CDC73: variants seen among roughly 807,000 people sequenced by gnomAD.
CDC73 encodes cell division cycle 73, also known as parafibromin.
Under a neutral mutation model 83.7 loss-of-function variants are expected in CDC73, and 21 were observed. That is an observed-to-expected ratio of 0.25 (90% confidence interval 0.18 to 0.36). CDC73 has a LOEUF of 0.36. Among genes scored for constraint, CDC73 ranks in the 10% least tolerant of loss-of-function variants. CDC73 has a pLI of 1.00. For missense variants in CDC73, 342 were observed against 653.3 expected, an observed-to-expected ratio of 0.52 and a Z score of 5.19; for synonymous variants, 224 against 212.9, an observed-to-expected ratio of 1.05 and a Z score of -0.45.
intron 2 of CDC73, among the ~76,000 whole-genome samples, chr1:193,125,716 A>G (rs751242383): frequency 2.6e-5 from 4 of 151,458 alleles, no homozygotes; most frequent in East Asian, 1.9e-4. Context: ...AACTGGGACT[A>G]TAGGCATGGC....
At chr1:193,185,610 C>G (rs1223466801) in intron 10 of CDC73, among the ~76,000 whole-genome samples, 1 of 151,812 alleles carries the variant, frequency 6.6e-6, no homozygotes, top group Non-Finnish European at 1.5e-5. Flanking sequence ...AATGAAATTT[C>G]ACTGCATTGT....
At chr1:193,156,379 G>A (rs915990994) in intron 10 of CDC73, among the ~76,000 whole-genome samples, 2 of 152,152 alleles carry the variant, frequency 1.3e-5, no homozygotes, top group Non-Finnish European at 1.5e-5. Context: ...CTCACACCCT[G>A]CAATTATAGA....
At position 193,142,154 on chromosome 1, in the gene CDC73, T is replaced by C. The variant is rs1036478149; in HGVS notation, c.729+88T>C. 12 of 1,106,010 alleles carry C rather than the reference T, an allele frequency of 1.1e-5. No individual in the cohort carries two copies. The Admixed American group carries it at 2.3e-4, about 21-fold the overall frequency. 68.5% of individuals were successfully genotyped at this position (1,106,010 alleles called of 1,614,324 possible). ...TGTGGTTATAGAATTGGTTAAACTT[T>C]GCTTTTAGGTGGAAGTTTCAAGTTT... is the stretch of plus-strand genomic sequence containing the variant. On this transcript the variant is annotated intron_variant, in intron 7 of 16. Transcript: ENST00000367435.
chr1:193,242,503 T>C (rs1383095468), intron 15 of CDC73, among the ~76,000 whole-genome samples: 1 of 152,192 alleles, frequency 6.6e-6, no homozygotes, highest in African/African-American at 2.4e-5. Context: ...TCTTAGATCA[T>C]CTATTCAAAG....
chr1:193,240,703 AT>A lies in CDC73; in HGVS notation c.1417+4356del, dbSNP rs556997274. On this transcript the variant is annotated intron_variant, in intron 15 of 16. Transcript: ENST00000367435. ...TGTCCTTTGCCCACTTTTTAATGGG[AT>A]TTTTTTTTAATTGTTGAGTTTCTTG... Among the ~76,000 whole-genome samples, 335 of 151,222 alleles carry A rather than the reference AT, an allele frequency of 2.2e-3. 2 individuals are homozygous for A. The highest frequency in any genetic ancestry group is 3.7e-3 in the Non-Finnish European group (253 of 67,714).
At chr1:193,151,964 TA>T (rs1179895598) in intron 9 of CDC73, among the ~76,000 whole-genome samples, 1 of 152,150 alleles carries the variant, frequency 6.6e-6, no homozygotes, top group Non-Finnish European at 1.5e-5. Flanking sequence ...TGTATGTATA[TA>T]AAAATAAGTA....
chr1:193,205,708 A>C (rs17593064), intron 11 of CDC73, among the ~76,000 whole-genome samples: 1 of 152,158 alleles, frequency 6.6e-6, no homozygotes, highest in Non-Finnish European at 1.5e-5. Flanking sequence ...TGAGAGCATA[A>C]GAAGAACAAT....
intron 7 of CDC73, among the ~76,000 whole-genome samples, chr1:193,146,146 G>A (rs945222130): frequency 6.6e-6 from 1 of 152,098 alleles, no homozygotes; most frequent in African/African-American, 2.4e-5. Context: ...TGAGGGCAGC[G>A]ACCATGTCTT....
chr1:193,192,657 G>T (rs1676938685), intron 10 of CDC73, among the ~76,000 whole-genome samples: 1 of 152,142 alleles, frequency 6.6e-6, no homozygotes, highest in Non-Finnish European at 1.5e-5. Context: ...CAGGCTGCAC[G>T]ATGGATGAAT....
chr1:193,249,932 A>G, intron 16 of CDC73, 61 bp downstream of exon 16: 1 of 1,524,796 alleles, frequency 6.6e-7, no homozygotes, highest in Non-Finnish European at 9.1e-7. Flanking sequence ...GTCTCAGTTA[A>G]ATTTTAAGTT....
chr1:193,153,134 A>T (rs1163031458), intron 10 of CDC73, among the ~76,000 whole-genome samples: 4 of 152,224 alleles, frequency 2.6e-5, no homozygotes, highest in Non-Finnish European at 4.4e-5. Flanking sequence ...TAATGCTTAC[A>T]AAGTATGTAA....
At chr1:193,232,462 A>G (rs1431685091) in intron 13 of CDC73, among the ~76,000 whole-genome samples, 1 of 152,118 alleles carries the variant, frequency 6.6e-6, no homozygotes, top group Non-Finnish European at 1.5e-5. Context: ...ACACATACAC[A>G]CACACACACA....
chr1:193,186,929 T>C (rs1434808806), intron 10 of CDC73, among the ~76,000 whole-genome samples: 1 of 152,146 alleles, frequency 6.6e-6, no homozygotes, highest in Admixed American at 6.5e-5. Flanking sequence ...TACATGCTTT[T>C]GTAGGGTGTA....
chr1:193,199,081 T>A (rs1016983904), intron 10 of CDC73, among the ~76,000 whole-genome samples: 4 of 152,216 alleles, frequency 2.6e-5, no homozygotes, highest in Admixed American at 6.5e-5. Context: ...TATAAGTATG[T>A]TAATTGTTTT....
rs886045730 is a variant in CDC73 at position 193,253,363 on chromosome 1, T to G, written c.*2651T>G. ...TTGAAAACAGTACCAGTATTAAATG[T>G]GTTTCCTCTTCCTTCTTTTCTGTAT... On this transcript the variant is annotated 3_prime_UTR_variant, in exon 17 of 17. Transcript: ENST00000367435. 4 of 232,436 alleles carry G rather than the reference T, an allele frequency of 1.7e-5. No homozygotes were observed. Among genetic ancestry groups the G allele is most frequent in the Non-Finnish European group, 8.5e-6 (1 of 117,616 alleles). 14.4% of individuals were successfully genotyped at this position (232,436 alleles called of 1,614,324 possible). A position where few individuals can be genotyped will look rare whatever the true frequency, so the allele number is the denominator to read the frequency against.
At chr1:193,159,851 C>T (rs941462967) in intron 10 of CDC73, among the ~76,000 whole-genome samples, 5 of 152,062 alleles carry the variant, frequency 3.3e-5, no homozygotes, top group African/African-American at 1.2e-4. Context: ...CATTTCATGC[C>T]TTCCTTGTAG....
rs145197340 is a variant in CDC73, at chr1:193,205,208, C to CCCCCT, written c.1030+1356_1030+1357insCCCCT. ...CTATACCACCTGTCCCCCCCCCCCC[C>CCCCCT]TTTTTTTTTAAACTCATCAGTGCTG... On this transcript the variant is annotated intron_variant, in intron 11 of 16. Coordinates refer to ENST00000367435, the MANE Select transcript of CDC73 (RefSeq NM_024529.5). Among the ~76,000 whole-genome samples the CCCCCT allele has an allele frequency of 2.5e-4, 21 of 82,514 alleles. 4 individuals are homozygous for CCCCCT. The highest frequency in any genetic ancestry group is 3.2e-4 in the Non-Finnish European group (15 of 46,646). 54.1% of individuals were successfully genotyped at this position (82,514 alleles called of 152,430 possible).
At chr1:193,148,610 TAGA>T (rs1676049803) in intron 8 of CDC73, among the ~76,000 whole-genome samples, 1 of 150,476 alleles carries the variant, frequency 6.6e-6, no homozygotes. Context: ...CAATAGAAAA[TAGA>T]AGATTCTATA....
chr1:193,147,372 T>TC (rs1267350998), intron 7 of CDC73, among the ~76,000 whole-genome samples: 1 of 151,216 alleles, frequency 6.6e-6, no homozygotes, highest in Admixed American at 6.6e-5. Flanking sequence ...GTTTTTTTTT[T>TC]CTTTTTTTTT....
Sources: allele counts gnomAD v4.1 joint callset (sites outside exome capture counted in the v4.1 genomes callset), GRCh38; gene constraint gnomAD v4.1.1; transcripts MANE v1.5; gene names NCBI Gene and HGNC (gene_info 2026-07-23, HGNC 2026-07-21).